KAZN: variants seen among roughly 807,000 people sequenced by gnomAD.
KAZN encodes the protein kazrin.
Under a neutral mutation model 87.4 loss-of-function variants are expected in KAZN, and 40 were observed. That is an observed-to-expected ratio of 0.46 (90% CI 0.36 to 0.60). The LOEUF (loss-of-function observed/expected upper bound fraction) is 0.60, where lower values mean the gene tolerates loss of function less well. KAZN is among the 20% of genes least tolerant of loss of function. The probability of loss-of-function intolerance (pLI) is 0.00; values close to 1 mark genes in which losing one functional copy is unlikely to be tolerated. For synonymous variants in KAZN, 466 were observed against 458.3 expected (o/e 1.02, Z -0.22); for missense variants, 898 against 1,073.9 (o/e 0.84, Z 2.29).
intron 1 of KAZN, among the ~76,000 whole-genome samples, chr1:14,115,578 C>T (rs1644598586): frequency 6.6e-6 from 1 of 152,160 alleles, no homozygotes; most frequent in Non-Finnish European, 1.5e-5. Context: ...TCCATTAAAA[C>T]CTTTTACTTC....
At chr1:14,275,972 A>C (rs961830778) in intron 2 of KAZN, among the ~76,000 whole-genome samples, 3 of 152,150 alleles carry the variant, frequency 2.0e-5, no homozygotes, top group Admixed American at 2.0e-4. Flanking sequence ...CTTTTTAAAC[A>C]TTTCCAGACT....
At chr1:14,441,334 A>G (rs1408197509) in intron 2 of KAZN, among the ~76,000 whole-genome samples, 1 of 152,050 alleles carries the variant, frequency 6.6e-6, no homozygotes, top group Non-Finnish European at 1.5e-5. Context: ...ATTATCTGGA[A>G]CTGGACTTCC....
intron 13 of KAZN, among the ~76,000 whole-genome samples, chr1:15,110,961 A>G (rs12034542): frequency 0.36 from 54,726 of 152,116 alleles, 9,900 homozygotes; most frequent in Middle Eastern, 0.41. Context: ...ACAGCCAGCT[A>G]CCTGAGTTTA....
At chr1:14,253,027 T>A (rs570039942) in intron 2 of KAZN, among the ~76,000 whole-genome samples, 2 of 151,752 alleles carry the variant, frequency 1.3e-5, no homozygotes, top group African/African-American at 4.8e-5. Context: ...TGTCTTTCCT[T>A]CGGAAAAAGT....
chr1:14,364,435 T>C lies in KAZN; in HGVS notation c.249+183843T>C, dbSNP rs535440825. The stretch of plus-strand genomic sequence containing the variant: ...GCAGCATGAGCACTGGCACACACAA[T>C]ACATTTCTGAACAAATGTTCACTAC... On this transcript the variant is annotated intron_variant, in intron 2 of 16. Coordinates refer to the KAZN transcript ENST00000636203. 1.8e-3 allele frequency among the ~76,000 whole-genome samples: 278 copies of C among 152,288 alleles called. 1 individual carries two copies. Among genetic ancestry groups the C allele is most frequent in the African/African-American group, 6.6e-3 (273 of 41,574 alleles).
At chr1:13,914,055 C>T (rs775024051) in intron 1 of KAZN, among the ~76,000 whole-genome samples, 18 of 152,146 alleles carry the variant, frequency 1.2e-4, no homozygotes, top group South Asian at 2.1e-4. Context: ...GGCTGAGGCT[C>T]GAGAACCAAT....
At chr1:14,386,961 T>C (rs1470728824) in intron 2 of KAZN, among the ~76,000 whole-genome samples, 3 of 152,236 alleles carry the variant, frequency 2.0e-5, no homozygotes, top group Admixed American at 6.5e-5. Flanking sequence ...CAGTCAGACA[T>C]AGATTTGGTC....
intron 1 of KAZN, among the ~76,000 whole-genome samples, chr1:14,778,395 A>G (rs1572458864): frequency 1.0e-4 from 1 of 9,848 alleles, no homozygotes; most frequent in South Asian, 6.9e-3. Context: ...ACCCTTAAGA[A>G]AAAAAAAAAA....
intron 2 of KAZN, among the ~76,000 whole-genome samples, chr1:14,379,936 G>A (rs1388378698): frequency 6.6e-6 from 1 of 152,114 alleles, no homozygotes. Context: ...GTGTTATGCT[G>A]GCTTCAGGTC....
intron 3 of KAZN, among the ~76,000 whole-genome samples, chr1:15,036,020 C>T (rs1034381739): frequency 6.6e-6 from 1 of 151,874 alleles, no homozygotes. Flanking sequence ...GATGCTTGGT[C>T]CCCCCTACCC....
At chr1:14,762,904 T>C (rs1011264650) in intron 1 of KAZN, among the ~76,000 whole-genome samples, 5 of 152,220 alleles carry the variant, frequency 3.3e-5, no homozygotes, top group African/African-American at 1.2e-4. Flanking sequence ...GTTATTGAGA[T>C]AGAAGGTGCC....
chr1:14,731,410 C>T (rs761185073), intron 1 of KAZN, among the ~76,000 whole-genome samples: 18 of 152,192 alleles, frequency 1.2e-4, no homozygotes, highest in Middle Eastern at 3.2e-3. Flanking sequence ...AGCCCCAAGG[C>T]CCTGTGACTT....
intron 2 of KAZN, among the ~76,000 whole-genome samples, chr1:14,234,187 G>A (rs1648148535): frequency 6.6e-6 from 1 of 152,104 alleles, no homozygotes; most frequent in Non-Finnish European, 1.5e-5. Flanking sequence ...AAGAAAATGT[G>A]GAACATATAT....
chr1:14,277,558 G>T (rs1652471051), intron 2 of KAZN, among the ~76,000 whole-genome samples: 1 of 151,914 alleles, frequency 6.6e-6, no homozygotes, highest in Non-Finnish European at 1.5e-5. Flanking sequence ...CAGCTACTCG[G>T]GAGGCTGAGG....
At chr1:14,125,953 T>G (rs1644855709) in intron 1 of KAZN, among the ~76,000 whole-genome samples, 1 of 83,534 alleles carries the variant, frequency 1.2e-5, no homozygotes, top group Non-Finnish European at 2.3e-5. Context: ...CAGTGGAGTG[T>G]GGTGCGGGGT....
chr1:14,526,025 C>T (rs1458404968), intron 2 of KAZN, among the ~76,000 whole-genome samples: 3 of 152,120 alleles, frequency 2.0e-5, no homozygotes, highest in Middle Eastern at 3.2e-3. Context: ...AATGGATCTC[C>T]GCTACCAGCA....
In KAZN at chr1:14,843,713, TC is replaced by T. The variant is rs532820896; in HGVS notation, c.227-116970del. Among the ~76,000 whole-genome samples, 1,295 of 152,342 alleles carry T rather than the reference TC, an allele frequency of 8.5e-3. 16 individuals are homozygous for T. Among genetic ancestry groups the T allele is most frequent in the Non-Finnish European group, 0.012 (835 of 68,034 alleles). ...TTTAAATGGAATATTCGCCCCACCC[TC>T]ATCCCACTACCCTGACAGCTGTTTA... On this transcript the variant is annotated intron_variant, in intron 1 of 14. Transcript: ENST00000376030.
intron 1 of KAZN, among the ~76,000 whole-genome samples, chr1:14,080,742 A>G (rs1410735320): frequency 6.6e-6 from 1 of 152,216 alleles, no homozygotes; most frequent in Non-Finnish European, 1.5e-5. Context: ...AGTATTGTGT[A>G]TCTGCTCGGA....
At chr1:14,176,084 A>G (rs1646068871) in intron 1 of KAZN, among the ~76,000 whole-genome samples, 1 of 152,214 alleles carries the variant, frequency 6.6e-6, no homozygotes, top group Admixed American at 6.5e-5. Context: ...CTCAATTTAG[A>G]TCTGGAGCAC....
Sources: allele counts gnomAD v4.1 joint callset (sites outside exome capture counted in the v4.1 genomes callset), GRCh38; gene constraint gnomAD v4.1.1; transcripts MANE v1.5; gene names NCBI Gene and HGNC (gene_info 2026-07-23, HGNC 2026-07-21).